Variants in FBN2 observed in about 807,000 individuals in gnomAD.
The protein encoded by FBN2 is fibrillin 2.
A neutral mutation model predicts 355.6 loss-of-function variants in FBN2; 105 were observed. The ratio of observed to expected loss-of-function variants is 0.30; its 90% CI spans 0.25 to 0.35. FBN2 has a LOEUF of 0.35. Ranked by LOEUF, FBN2 falls within the 10% of genes least tolerant of loss-of-function variation. FBN2 has a pLI of 1.00. For missense variants in FBN2, 3,280 were observed against 3,758.7 expected, an observed-to-expected ratio of 0.87 and a Z score of 3.33; for synonymous variants, 1,350 against 1,301.2, an observed-to-expected ratio of 1.04 and a Z score of -0.81.
At position 128,338,027 on chromosome 5, in the gene FBN2, C is replaced by T. The variant is rs755737169; in HGVS notation, c.3568G>A (p.Glu1190Lys). The change falls in exon 27 of 65, where the codon GAG (glutamate) becomes AAG (lysine). Residue 1190 changes from glutamate (E) to lysine (K), a missense_variant. Glu to Lys is a moderately conservative substitution (Grantham distance 56, BLOSUM62 1). Transcript: ENST00000262464. ...SFQCDCPLGH[E>K]LSPSREDCVD... is the part of the protein sequence containing the mutation. ...CAGTCCTCACGGGATGGTGACAGCT[C>T]GTGTCCCAGTGGGCAGTCACACTGA... The T allele has an allele frequency of 1.5e-5, 24 of 1,614,020 alleles. No individual in the cohort carries two copies. The East Asian group carries it at 1.8e-4, about 12-fold the overall frequency.
chr5:128,313,265 A>G (rs1750110239), intron 36 of FBN2, among the ~76,000 whole-genome samples: 1 of 152,144 alleles, frequency 6.6e-6, no homozygotes, highest in Non-Finnish European at 1.5e-5. Flanking sequence ...TTATCTCTAC[A>G]GTTATCATCC....
chr5:128,505,011 C>G (rs1003505489), intron 5 of FBN2, among the ~76,000 whole-genome samples: 5 of 152,178 alleles, frequency 3.3e-5, no homozygotes, highest in African/African-American at 1.2e-4. Flanking sequence ...CTCACAAGAT[C>G]TGATGGTTTT....
intron 4 of FBN2, among the ~76,000 whole-genome samples, chr5:128,525,091 G>A (rs13177978): frequency 0.19 from 29,216 of 152,100 alleles, 2,937 homozygotes; most frequent in Non-Finnish European, 0.23. Flanking sequence ...ACATACACAC[G>A]TATGCCCAAG....
intron 6 of FBN2, among the ~76,000 whole-genome samples, chr5:128,456,023 A>AACAAAACAAAAAAAAAAAAAGC (rs1554070903): frequency 6.9e-6 from 1 of 145,782 alleles, no homozygotes; most frequent in Admixed American, 6.9e-5. Flanking sequence ...AAAAAAAAAA[A>AACAAAACAAAAAAAAAAAAAGC]GCAACTGCTG....
chr5:128,431,209 G>A (rs78495120), intron 7 of FBN2, among the ~76,000 whole-genome samples: 9,825 of 152,270 alleles, frequency 0.065, 431 homozygotes, highest in Non-Finnish European at 0.093. Context: ...ATCTTAGTGG[G>A]CCATTCCTTT....
chr5:128,446,928 T>G (rs565074933), intron 6 of FBN2, among the ~76,000 whole-genome samples: 1 of 152,340 alleles, frequency 6.6e-6, no homozygotes, highest in South Asian at 2.1e-4. Context: ...GAAGATTTCA[T>G]GGACATTTAT....
intron 8 of FBN2, among the ~76,000 whole-genome samples, chr5:128,399,150 T>C (rs915520448): frequency 1.3e-5 from 2 of 152,142 alleles, no homozygotes; most frequent in African/African-American, 4.8e-5. Flanking sequence ...AGACCTCAGA[T>C]ATAAGAAGTC....
chr5:128,374,524 G>A (rs568091471), intron 15 of FBN2, 104 bp downstream of exon 15: 241 of 1,467,474 alleles, frequency 1.6e-4, no homozygotes, highest in Middle Eastern at 7.2e-4. Context: ...GTTTTAGCAT[G>A]TACTCTTCTT....
chr5:128,345,210 T>C (rs772043451), intron 24 of FBN2, 147 bp downstream of exon 24: 118 of 734,990 alleles, frequency 1.6e-4, no homozygotes, highest in Non-Finnish European at 2.7e-4. Flanking sequence ...ATTTATACTC[T>C]TGGGACAGAA....
intron 7 of FBN2, among the ~76,000 whole-genome samples, chr5:128,418,536 T>A (rs979934634): frequency 1.3e-5 from 2 of 152,150 alleles, no homozygotes; most frequent in African/African-American, 4.8e-5. Flanking sequence ...GGTTTTGGTA[T>A]GTTGCGTTTC....
At chr5:128,357,187 C>T (rs1052299370) in intron 20 of FBN2, 89 bp downstream of exon 20, 1 of 1,528,494 alleles carries the variant, frequency 6.5e-7, no homozygotes, top group South Asian at 1.1e-5. Flanking sequence ...TTTTTGGAAT[C>T]ATATTCTGTT....
At chr5:128,516,999 A>G (rs1026171773) in intron 5 of FBN2, among the ~76,000 whole-genome samples, 3 of 152,214 alleles carry the variant, frequency 2.0e-5, no homozygotes, top group African/African-American at 7.2e-5. Flanking sequence ...GTAGTAAGTA[A>G]TAAGACTTTT....
chr5:128,422,190 G>GT (rs1338729690), intron 7 of FBN2, among the ~76,000 whole-genome samples: 6 of 152,190 alleles, frequency 3.9e-5, no homozygotes, highest in Non-Finnish European at 8.8e-5. Context: ...CTCTAGAACT[G>GT]TAAGACAATA....
intron 5 of FBN2, among the ~76,000 whole-genome samples, chr5:128,517,953 T>C (rs1756325501): frequency 6.6e-6 from 1 of 152,216 alleles, no homozygotes; most frequent in African/African-American, 2.4e-5. Context: ...AGCTCAAGTT[T>C]GTTTTTACTG....
intron 7 of FBN2, among the ~76,000 whole-genome samples, chr5:128,441,220 C>A (rs778252071): frequency 6.6e-6 from 1 of 152,182 alleles, no homozygotes; most frequent in Non-Finnish European, 1.5e-5. Flanking sequence ...CTACTTCCAG[C>A]CTTGGTAGAT....
At chr5:128,388,830 T>C (rs184510275) in intron 11 of FBN2, among the ~76,000 whole-genome samples, 2 of 152,276 alleles carry the variant, frequency 1.3e-5, no homozygotes, top group Admixed American at 1.3e-4. Context: ...TTTGTCATCT[T>C]GTACAGTATT....
Position 128,349,400 on chromosome 5 carries a change from T to C in FBN2, c.2936A>G (p.His979Arg). Residue 979 changes from histidine to arginine, a missense_variant, in exon 23 of 65, where the codon CAT becomes CGT. Coordinates refer to ENST00000262464, the MANE Select transcript of FBN2 (RefSeq NM_001999.4). ...GRCVNSKGSF[H>R]CECPEGLTLD... ...CGTAAGGCCTTCAGGGCACTCGCAA[T>C]GAAAAGATCCCTTACTGTTGACACA... 6.2e-7 allele frequency: 1 copy of C among 1,614,108 alleles called. No homozygotes were observed. Among genetic ancestry groups the C allele is most frequent in the South Asian group, 1.1e-5 (1 of 91,084 alleles).
chr5:128,528,743 A>C (rs78401029), intron 3 of FBN2, among the ~76,000 whole-genome samples: 11,579 of 152,244 alleles, frequency 0.076, 435 homozygotes, highest in Middle Eastern at 0.085. Flanking sequence ...TCCCAAATGC[A>C]ACAGGGAGTC....
intron 64 of FBN2, 98 bp downstream of exon 64, chr5:128,261,638 G>T: frequency 1.9e-6 from 2 of 1,029,150 alleles, no homozygotes; most frequent in Admixed American, 1.7e-5. Context: ...TTCAAGGTAT[G>T]ATTAACTTCA....
Sources: gnomAD v4.1 joint callset for allele counts (sites outside exome capture counted in the v4.1 genomes callset) on GRCh38, gnomAD v4.1.1 for gene constraint, MANE v1.5 for transcripts, NCBI Gene and HGNC (gene_info 2026-07-23, HGNC 2026-07-21) for gene names.